ANXA7: variants seen among roughly 807,000 people sequenced by gnomAD.
ANXA7 encodes the protein annexin VII.
ANXA7 carries 55 observed loss-of-function variants against 64.9 expected under a neutral mutation model. The ratio of observed to expected loss-of-function variants is 0.85; its 90% confidence interval spans 0.68 to 1.06. The LOEUF is 1.06. ANXA7 is among the 50% of genes least tolerant of loss of function. The probability of loss-of-function intolerance (pLI) is 0.00; values close to 1 mark genes in which losing one functional copy is unlikely to be tolerated. For synonymous variants in ANXA7, 200 were observed against 192.4 expected (o/e 1.04, Z -0.33); for missense variants, 548 against 582.1 (o/e 0.94, Z 0.60).
chr10:73,396,165 A>T (rs1439387365), intron 5 of ANXA7: 1 of 1,118,040 alleles, frequency 8.9e-7, no homozygotes, highest in Non-Finnish European at 1.3e-6. Context: ...ACCACCCTAC[A>T]TAAATCACTG....
Position 73,395,993 on chromosome 10 carries a change from G to C in ANXA7, c.435+526C>G, listed in dbSNP as rs371507882. On this transcript the variant is annotated intron_variant, in intron 5 of 12. Transcript: ENST00000372921. The stretch of plus-strand genomic sequence containing the variant: ...CAAGTACATGAGAATCAGAAACAAA[G>C]GCACATATAAAGGACCTAGTGATTA... 9.1e-4 allele frequency: 1,009 copies of C among 1,114,278 alleles called. 3 individuals are homozygous for C. The highest frequency in any genetic ancestry group is 1.1e-3 in the Non-Finnish European group (826 of 728,446). The allele number at this position is 1,114,278 out of a possible 1,614,324, so 69.0% of individuals were successfully genotyped here. A position where few individuals can be genotyped will look rare whatever the true frequency, so the allele number is the denominator to read the frequency against.
At chr10:73,392,324 G>A (rs1242635648) in intron 5 of ANXA7, among the ~76,000 whole-genome samples, 2 of 152,178 alleles carry the variant, frequency 1.3e-5, no homozygotes, top group African/African-American at 2.4e-5. Flanking sequence ...AATAGAAAGA[G>A]GCGGAATCCT....
chr10:73,407,513 A>T (rs557007789), intron 1 of ANXA7, among the ~76,000 whole-genome samples: 62 of 152,274 alleles, frequency 4.1e-4, no homozygotes, highest in African/African-American at 1.4e-3. Context: ...TCTGTGATTC[A>T]CACTCTGATA....
intron 4 of ANXA7, 61 bp downstream of exon 4, chr10:73,397,103 A>C (rs987970510): frequency 2.0e-5 from 16 of 808,356 alleles, no homozygotes; most frequent in Non-Finnish European, 2.6e-5. Flanking sequence ...AGTTCCCTCA[A>C]TGGTGATTTA....
At chr10:73,411,547 TCTC>T (rs2055838452) in intron 1 of ANXA7, among the ~76,000 whole-genome samples, 1 of 152,108 alleles carries the variant, frequency 6.6e-6, no homozygotes, top group Non-Finnish European at 1.5e-5. Flanking sequence ...TTCAAGCGAT[TCTC>T]CTGTCTCAGC....
chr10:73,381,190 C>T (rs1228925071), intron 9 of ANXA7, among the ~76,000 whole-genome samples: 1 of 152,062 alleles, frequency 6.6e-6, no homozygotes, highest in East Asian at 1.9e-4. Context: ...AAGCTCACAC[C>T]ACCACACTCA....
intron 1 of ANXA7, among the ~76,000 whole-genome samples, chr10:73,412,795 CTTT>C (rs55814659): frequency 2.3e-5 from 3 of 131,610 alleles, no homozygotes; most frequent in African/African-American, 2.8e-5. Context: ...CGCGCTCGGG[CTTT>C]TTTTTTTTTT....
chr10:73,398,460 A>T, intron 2 of ANXA7, 75 bp from the exon 3 acceptor site: 3 of 1,330,504 alleles, frequency 2.3e-6, no homozygotes, highest in Non-Finnish European at 3.1e-6. Context: ...AGGAACAAAC[A>T]GAGGTTATTA....
chr10:73,402,092 T>A (rs758233930), intron 1 of ANXA7, among the ~76,000 whole-genome samples: 2 of 152,226 alleles, frequency 1.3e-5, no homozygotes, highest in African/African-American at 4.8e-5. Flanking sequence ...TCCCCTCATA[T>A]GGTGATATAA....
Position 73,405,854 on chromosome 10 carries a change from C to T in ANXA7, c.-1-4997G>A, listed in dbSNP as rs907714091. Among the ~76,000 whole-genome samples, 3 of 152,296 alleles carry T rather than the reference C, an allele frequency of 2.0e-5. No homozygotes were observed. In the South Asian group the frequency reaches 6.2e-4, roughly 32 times the overall value. ...TTCTGTATGTGTATAATAAAATACT[C>T]GTCATTCTCCACCACACCACTCTTA... On this transcript the variant is annotated intron_variant, in intron 1 of 12. Transcript: ENST00000372921.
intron 7 of ANXA7, among the ~76,000 whole-genome samples, chr10:73,384,461 G>A (rs1405043228): frequency 6.6e-6 from 1 of 152,094 alleles, no homozygotes; most frequent in Non-Finnish European, 1.5e-5. Flanking sequence ...GAATGCAGTG[G>A]TGTGATCTCG....
chr10:73,401,267 C>CACACAGACA (rs1554818178), intron 1 of ANXA7, among the ~76,000 whole-genome samples: 7 of 147,600 alleles, frequency 4.7e-5, no homozygotes, highest in African/African-American at 1.9e-4. Context: ...ATACACAACA[C>CACACAGACA]ACACACACAC....
At position 73,383,573 on chromosome 10, in the gene ANXA7, G is replaced by C; in HGVS notation, c.747+4C>G. 6.3e-7 allele frequency: 1 copy of C among 1,588,568 alleles called. No homozygotes were observed. Among genetic ancestry groups the C allele is most frequent in the Non-Finnish European group, 8.6e-7 (1 of 1,157,114 alleles). On this transcript the variant is annotated splice_donor_region_variant and intron_variant, in intron 8 of 12. Transcript: ENST00000372921. ...TATTCATAATAAATGACATATAGTA[G>C]TACCTGCATTGCTTTCCGTAAGCTC...
At chr10:73,411,869 GA>G (rs113860616) in intron 1 of ANXA7, among the ~76,000 whole-genome samples, 280 of 139,008 alleles carry the variant, frequency 2.0e-3, no homozygotes, top group Middle Eastern at 7.3e-3. Context: ...ACGTATTAAT[GA>G]AAAAAAAAAA....
intron 9 of ANXA7, among the ~76,000 whole-genome samples, chr10:73,381,969 C>T (rs554897789): frequency 6.6e-6 from 1 of 152,224 alleles, no homozygotes; most frequent in South Asian, 2.1e-4. Flanking sequence ...ACCTCTGCCT[C>T]CCGGGTTCAA....
At chr10:73,397,096 T>G (rs75392223) in intron 4 of ANXA7, 68 bp downstream of exon 4, 8,345 of 677,712 alleles carry the variant, frequency 0.012, 111 homozygotes, top group South Asian at 0.034. Context: ...TAAACTAAGT[T>G]CCCTCAATGG....
chr10:73,396,178 A>G (rs1327058424), intron 5 of ANXA7: 4 of 1,007,386 alleles, frequency 4.0e-6, no homozygotes, highest in Non-Finnish European at 4.6e-6. Flanking sequence ...AATCACTGTC[A>G]GAAATACCAA....
chr10:73,388,452 C>T (rs1428797603), intron 5 of ANXA7, 38 bp from the exon 6 acceptor site: 1 of 1,491,322 alleles, frequency 6.7e-7, no homozygotes, highest in Non-Finnish European at 9.3e-7. Context: ...TCAGCATTTC[C>T]AGTAAGTTTC....
chr10:73,404,924 C>T (rs943105489), intron 1 of ANXA7, among the ~76,000 whole-genome samples: 2 of 152,036 alleles, frequency 1.3e-5, no homozygotes, highest in African/African-American at 2.4e-5. Flanking sequence ...CCAGCCTGAC[C>T]AACATGGTGA....
Sources: allele counts gnomAD v4.1 joint callset (sites outside exome capture counted in the v4.1 genomes callset), GRCh38; gene constraint gnomAD v4.1.1; transcripts MANE v1.5; gene names NCBI Gene and HGNC (gene_info 2026-07-23, HGNC 2026-07-21).